Variants in COL6A6 observed in about 807,000 individuals in gnomAD.
COL6A6 encodes the protein collagen type VI alpha 6 chain.
A neutral mutation model predicts 208.6 loss-of-function variants in COL6A6; 183 were observed. That is an observed-to-expected ratio of 0.88 (90% CI 0.78 to 0.99). COL6A6 has a LOEUF of 0.99. Among genes scored for constraint, COL6A6 ranks in the 50% least tolerant of loss-of-function variants. The pLI is 0.00. For missense variants in COL6A6, 2,816 were observed against 2,815.2 expected (o/e 1.00, Z -0.01); for synonymous variants, 973 against 1,011.8 (o/e 0.96, Z 0.73).
chr3:130,593,819 C>T (rs1285906795), intron 17 of COL6A6, among the ~76,000 whole-genome samples: 2 of 152,168 alleles, frequency 1.3e-5, no homozygotes, highest in African/African-American at 4.8e-5. Context: ...TGACAAGGGT[C>T]AGTGGTGCCA....
intron 33 of COL6A6, among the ~76,000 whole-genome samples, chr3:130,653,425 T>C (rs2065701191): frequency 6.6e-6 from 1 of 152,212 alleles, no homozygotes; most frequent in African/African-American, 2.4e-5. Flanking sequence ...ATAATTTTTA[T>C]TTGTTTATAT....
At chr3:130,539,597 C>T (rs900867170) in intron 1 of COL6A6, among the ~76,000 whole-genome samples, 17 of 150,714 alleles carry the variant, frequency 1.1e-4, no homozygotes, top group South Asian at 2.1e-4. Context: ...CGCGTCACTG[C>T]ACTCCCGCCT....
At chr3:130,672,503 A>G (rs2066244124) in intron 36 of COL6A6, among the ~76,000 whole-genome samples, 1 of 151,692 alleles carries the variant, frequency 6.6e-6, no homozygotes. Flanking sequence ...CCCGGGTTCA[A>G]GCGATTCTCC....
chr3:130,548,386 CT>C (rs1400409938), intron 1 of COL6A6, among the ~76,000 whole-genome samples: 1 of 152,200 alleles, frequency 6.6e-6, no homozygotes, highest in Non-Finnish European at 1.5e-5. Flanking sequence ...TCTCAGGCCC[CT>C]GTCCCACCTT....
chr3:130,661,978 G>A lies in COL6A6; in HGVS notation c.6172G>A (p.Asp2058Asn), dbSNP rs1422148035. The A allele has an allele frequency of 1.2e-6, 2 of 1,613,864 alleles. No individual in the cohort carries two copies. The highest frequency in any genetic ancestry group is 3.3e-5 in the Admixed American group (2 of 59,992). Residue 2058 changes from aspartate to asparagine, a missense_variant, in exon 35 of 37, where the codon GAT becomes AAT. Asp to Asn is a conservative substitution (Grantham distance 23, BLOSUM62 1). Transcript: ENST00000358511. Reference protein sequence around the residue: ...VHESVKQLNGDAFIGHALQWT... With the variant: ...VHESVKQLNGNAFIGHALQWT... The stretch of plus-strand genomic sequence containing the variant: ...CGAGTCAGTTAAACAACTAAATGGA[G>A]ATGCTTTTATTGGTCATGCCTTACA...
chr3:130,521,721 TAG>T (rs1711082914), intron 1 of COL6A6, among the ~76,000 whole-genome samples: 1 of 152,236 alleles, frequency 6.6e-6, no homozygotes, highest in Admixed American at 6.5e-5. Context: ...CTGACCCATG[TAG>T]GGTAGGCCAG....
At chr3:130,536,015 A>G (rs1396374687) in intron 1 of COL6A6, among the ~76,000 whole-genome samples, 1 of 152,230 alleles carries the variant, frequency 6.6e-6, no homozygotes, top group African/African-American at 2.4e-5. Flanking sequence ...TAGCTGATAC[A>G]TATATAGAGT....
At chr3:130,635,667 A>T in intron 27 of COL6A6, 32 bp from the exon 28 acceptor site, 1 of 1,422,214 alleles carries the variant, frequency 7.0e-7, no homozygotes, top group Non-Finnish European at 9.8e-7. Flanking sequence ...GTTTGATTTT[A>T]ATAACTATTT....
chr3:130,653,604 C>G (rs1344165899), intron 33 of COL6A6, among the ~76,000 whole-genome samples: 1 of 152,170 alleles, frequency 6.6e-6, no homozygotes, highest in African/African-American at 2.4e-5. Context: ...TTCATCCAAG[C>G]TGGTGCTTCT....
In COL6A6 at chr3:130,551,609, C is replaced by A. The variant is rs184522571; in HGVS notation, c.-31-8725C>A. ...TATTAATTTTTTTCAAAGAACCAACCCTGGATTTGTTGATCTTTTGGGTTT... is the reference window on the plus strand; with the variant it reads ...TATTAATTTTTTTCAAAGAACCAACACTGGATTTGTTGATCTTTTGGGTTT... On this transcript the variant is annotated intron_variant, in intron 1 of 36. Coordinates refer to ENST00000358511, the MANE Select transcript of COL6A6 (RefSeq NM_001102608.3). Among the ~76,000 whole-genome samples the A allele has an allele frequency of 8.0e-5, 12 of 149,134 alleles. No homozygotes were observed. The East Asian group carries it at 2.3e-3, about 29-fold the overall frequency.
intron 6 of COL6A6, among the ~76,000 whole-genome samples, chr3:130,568,820 T>C (rs1458087923): frequency 5.3e-5 from 8 of 152,234 alleles, no homozygotes; most frequent in Admixed American, 5.2e-4. Context: ...AGCACTACAG[T>C]GATGGATCTC....
chr3:130,547,267 G>C (rs1370723836), intron 1 of COL6A6, among the ~76,000 whole-genome samples: 1 of 152,272 alleles, frequency 6.6e-6, no homozygotes, highest in Non-Finnish European at 1.5e-5. Context: ...GGCACTGCTG[G>C]GGGACCCAGC....
At chr3:130,656,953 G>A (rs1367402025) in intron 33 of COL6A6, among the ~76,000 whole-genome samples, 1 of 152,244 alleles carries the variant, frequency 6.6e-6, no homozygotes, top group Non-Finnish European at 1.5e-5. Flanking sequence ...GCAGGAGCAG[G>A]CATTTCGAGC....
rs377089245 is a variant in COL6A6 at position 130,563,644 on chromosome 3, T to C, written c.641T>C (p.Val214Ala). 2.4e-5 allele frequency: 38 copies of C among 1,610,924 alleles called. No homozygotes were observed. The African/African-American group carries it at 4.8e-4, about 20-fold the overall frequency. Residue 214 changes from valine to alanine, a missense_variant, in exon 3 of 37, where the codon GTT becomes GCT. Transcript: ENST00000358511. The stretch of plus-strand genomic sequence containing the variant: ...GTAATAAAGTACAAGGAGGGAGCAG[T>C]TGATGACATCTTTGTAGAAGGTGGG... ...KDVIKYKEGA[V>A]DDIFVEACQG...
At chr3:130,654,798 T>TA (rs1559792786) in intron 33 of COL6A6, among the ~76,000 whole-genome samples, 4 of 152,212 alleles carry the variant, frequency 2.6e-5, no homozygotes. Flanking sequence ...GTCTTATTAT[T>TA]ACTCAAATCA....
At position 130,662,155 on chromosome 3, in the gene COL6A6, G is replaced by C; in HGVS notation, c.6349G>C (p.Val2117Leu). 4 of 1,613,988 alleles carry C rather than the reference G, an allele frequency of 2.5e-6. No homozygotes were observed. The highest frequency in any genetic ancestry group is 3.4e-6 in the Non-Finnish European group (4 of 1,179,860). Residue 2117 changes from valine (V) to leucine (L), a missense_variant, in exon 35 of 37, where the codon GTG (valine) becomes CTG (leucine). Physicochemically the swap from Val to Leu is conservative, Grantham distance 32. Coordinates refer to ENST00000358511, the MANE Select transcript of COL6A6 (RefSeq NM_001102608.3). The stretch of plus-strand genomic sequence containing the variant: ...CAAATGTCAGGGATATGCCTTATTT[G>C]TGTTTTCCCTTGGCCCTATTTGGGA... ...RAKCQGYALFVFSLGPIWDDK... is the reference protein window; with the variant it reads ...RAKCQGYALFLFSLGPIWDDK...
At chr3:130,641,029 T>C (rs1576379470) in intron 28 of COL6A6, among the ~76,000 whole-genome samples, 1 of 152,328 alleles carries the variant, frequency 6.6e-6, no homozygotes, top group East Asian at 1.9e-4. Context: ...AATAGTGAAA[T>C]CAATCACTTG....
intron 22 of COL6A6, among the ~76,000 whole-genome samples, chr3:130,609,975 T>A (rs2064306728): frequency 1.4e-5 from 2 of 141,304 alleles, no homozygotes; most frequent in South Asian, 4.4e-4. Context: ...TTTTTTTTTT[T>A]AACCTTCAAG....
intron 10 of COL6A6, 67 bp downstream of exon 10, chr3:130,582,135 C>A: frequency 2.0e-6 from 2 of 1,012,904 alleles, no homozygotes; most frequent in Non-Finnish European, 2.9e-6. Context: ...TAAATTCTGG[C>A]TCTTAAATTT....
Sources: allele counts gnomAD v4.1 joint callset (sites outside exome capture counted in the v4.1 genomes callset), GRCh38; gene constraint gnomAD v4.1.1; transcripts MANE v1.5; gene names NCBI Gene and HGNC (gene_info 2026-07-23, HGNC 2026-07-21).